Variants in ADAMTS10 observed in about 807,000 individuals in gnomAD.
ADAMTS10 encodes the protein A disintegrin and metalloproteinase with thrombospondin motifs 10.
A neutral mutation model predicts 135.9 loss-of-function variants in ADAMTS10; 48 were observed. The ratio of observed to expected loss-of-function variants is 0.35; its 90% CI spans 0.28 to 0.45. The LOEUF (loss-of-function observed/expected upper bound fraction) is 0.45. Ranked by LOEUF, ADAMTS10 falls within the 20% of genes least tolerant of loss-of-function variation. The pLI, the probability that ADAMTS10 is intolerant of heterozygous loss-of-function variation, is 1.00. For synonymous variants in ADAMTS10, 621 were observed against 647.5 expected (o/e 0.96, Z 0.62); for missense variants, 1,131 against 1,565.2 (o/e 0.72, Z 4.68).
intron 5 of ADAMTS10, 77 bp downstream of exon 5, chr19:8,603,651 C>T (rs1216574263): frequency 1.3e-6 from 2 of 1,594,028 alleles, no homozygotes; most frequent in Non-Finnish European, 1.7e-6. Flanking sequence ...TGCTGACTTT[C>T]TGGATAAAAA....
chr19:8,605,482 T>A lies in ADAMTS10; in HGVS notation c.89-124A>T. 6.8e-7 allele frequency: 1 copy of A among 1,467,716 alleles called. No individual in the cohort carries two copies. Among genetic ancestry groups the A allele is most frequent in the Non-Finnish European group, 9.3e-7 (1 of 1,080,622 alleles). 90.9% of individuals were successfully genotyped at this position (1,467,716 alleles called of 1,614,324 possible). A position where few individuals can be genotyped will look rare whatever the true frequency, so the allele number is the denominator to read the frequency against. ...GACCCCCGAAATCCAGGGAGTTGGCTGCAAGGCTCCCGCCTATTGACCCCA... is the reference window on the plus strand; with the variant it reads ...GACCCCCGAAATCCAGGGAGTTGGCAGCAAGGCTCCCGCCTATTGACCCCA... On this transcript the variant is annotated intron_variant, in intron 3 of 25. Coordinates refer to ENST00000597188, the MANE Select transcript of ADAMTS10 (RefSeq NM_030957.4). The surrounding 1 kb of genome is among the most constrained non-coding windows in gnomAD (Gnocchi z 7.7).
In ADAMTS10 at chr19:8,586,485, C is replaced by G; in HGVS notation, c.2404-15G>C. 1 of 1,613,204 alleles carries G rather than the reference C, an allele frequency of 6.2e-7. No individual in the cohort carries two copies. The highest frequency in any genetic ancestry group is 8.5e-7 in the Non-Finnish European group (1 of 1,180,004). ...CGGGCCAGCACCTGGAGAAAGGGGG[C>G]GGCAGCCAGTGGAAGGATCGCATGG... On this transcript the variant is annotated splice_polypyrimidine_tract_variant and intron_variant, in intron 20 of 25. Transcript: ENST00000597188.
At chr19:8,600,456 T>C (rs1449132522) in intron 6 of ADAMTS10, among the ~76,000 whole-genome samples, 2 of 142,588 alleles carry the variant, frequency 1.4e-5, no homozygotes, top group Middle Eastern at 3.6e-3. Context: ...TCCTCTCTCT[T>C]TCTTTCTTTT....
intron 15 of ADAMTS10, among the ~76,000 whole-genome samples, chr19:8,591,193 T>G (rs114019496): frequency 6.6e-6 from 1 of 151,536 alleles, no homozygotes; most frequent in Non-Finnish European, 1.5e-5. Flanking sequence ...TCAGGGGAAG[T>G]TGGGCTGTAA....
At chr19:8,582,384 C>T (rs1386316729) in intron 25 of ADAMTS10, among the ~76,000 whole-genome samples, 1 of 152,096 alleles carries the variant, frequency 6.6e-6, no homozygotes, top group Admixed American at 6.6e-5. Flanking sequence ...AGGAGAATGG[C>T]GTGAACCTGG....
At position 8,605,845 on chromosome 19, in the gene ADAMTS10, C is replaced by A; in HGVS notation, c.-99-36G>T. ...GGAGCCAGGTAAGGGGGCGCCTGGTCCCGCTGTCCAGCACAACCAATGCCA... is the reference window on the plus strand; with the variant it reads ...GGAGCCAGGTAAGGGGGCGCCTGGTACCGCTGTCCAGCACAACCAATGCCA... On this transcript the variant is annotated intron_variant, in intron 2 of 25. Coordinates refer to ENST00000597188, the MANE Select transcript of ADAMTS10 (RefSeq NM_030957.4). The surrounding 1 kb of genome is among the most constrained non-coding windows in gnomAD (Gnocchi z 7.7). 2.0e-6 allele frequency: 3 copies of A among 1,476,826 alleles called. No individual in the cohort carries two copies. The highest frequency in any genetic ancestry group is 2.7e-6 in the Non-Finnish European group (3 of 1,116,930). 91.5% of individuals were successfully genotyped at this position (1,476,826 alleles called of 1,614,324 possible).
chr19:8,595,698 T>TGCCGGCCCCC, intron 12 of ADAMTS10, 64 bp downstream of exon 12: 3 of 1,291,948 alleles, frequency 2.3e-6, no homozygotes, highest in South Asian at 1.2e-5. Context: ...CTGGTGGAGT[T>TGCCGGCCCCC]CCCTCCCCCA....
At position 8,596,154 on chromosome 19, in the gene ADAMTS10, A is replaced by G; in HGVS notation, c.1256T>C (p.Leu419Pro). ...CTTCATGGTAATGTGGGCAGCCATG[A>G]GCTTGGCTGGGTCCTGACCACGGGC... The part of the protein sequence containing the change: ...CGARGQDPAK[L>P]MAAHITMKTN... Residue 419 changes from leucine (L) to proline (P), a missense_variant, in exon 11 of 26, where the codon CTC (leucine) becomes CCC (proline). By Grantham distance (98) the Leu-to-Pro change is moderately conservative. Transcript: ENST00000597188. This position sits in a 1 kb window ranked among gnomAD's most constrained non-coding sequence, Gnocchi z 7.2. The G allele has an allele frequency of 6.2e-7, 1 of 1,614,124 alleles. No homozygotes were observed. The highest frequency in any genetic ancestry group is 8.5e-7 in the Non-Finnish European group (1 of 1,180,020).
chr19:8,606,260 A>T (rs1027099286), intron 2 of ADAMTS10, among the ~76,000 whole-genome samples: 1 of 152,110 alleles, frequency 6.6e-6, no homozygotes, highest in Non-Finnish European at 1.5e-5. Flanking sequence ...CGGGGGTCTC[A>T]CTTTGTTGCC....
At chr19:8,602,573 G>T (rs1316477999) in intron 5 of ADAMTS10, among the ~76,000 whole-genome samples, 1 of 151,888 alleles carries the variant, frequency 6.6e-6, no homozygotes, top group Non-Finnish European at 1.5e-5. Flanking sequence ...TGCCCATCTC[G>T]GCCTCCCAAA....
At chr19:8,585,786 A>G in intron 22 of ADAMTS10, 126 bp from the exon 23 acceptor site, 1 of 1,012,120 alleles carries the variant, frequency 9.9e-7, no homozygotes, top group Non-Finnish European at 1.5e-6. Context: ...GGCACCAGGC[A>G]CCTCCACATT....
chr19:8,600,482 TTTTCTTTTC>T (rs1208131576), intron 6 of ADAMTS10, among the ~76,000 whole-genome samples: 2 of 141,360 alleles, frequency 1.4e-5, no homozygotes, highest in African/African-American at 2.6e-5. Flanking sequence ...TCTTTCTGTC[TTTTCTTTTC>T]TTTCTTTTCT....
At position 8,585,164 on chromosome 19, in the gene ADAMTS10, G is replaced by C. The variant is rs782471212; in HGVS notation, c.3010C>G (p.Pro1004Ala). 2.1e-6 allele frequency: 3 copies of C among 1,410,542 alleles called. No individual in the cohort carries two copies. Among genetic ancestry groups the C allele is most frequent in the South Asian group, 3.1e-5 (2 of 65,460 alleles). The allele number at this position is 1,410,542 out of a possible 1,614,324, so 87.4% of individuals were successfully genotyped here. ...CACTCGCCAGCCACCCAGCGGGCCG[G>C]GGGGCAGCGGCGCAAGTTGCAGCGC... ...TMRCNLRRCP[P>A]ARWVAGEWGE... is the part of the protein sequence containing the mutation. The change falls in exon 24 of 26, where the codon CCG becomes GCG. Residue 1004 changes from proline to alanine, a missense_variant. Pro to Ala is a conservative substitution (Grantham distance 27). Around this residue, in one of 3 missense-constraint regions of ADAMTS10, gnomAD observed 745 missense variants for 1,056.3 expected, o/e 0.71. Transcript: ENST00000597188.
In ADAMTS10 at chr19:8,592,831, G is replaced by A. The variant is rs1037546094; in HGVS notation, c.1519C>T (p.Arg507Trp). Reference protein sequence around the residue: ...SELWCLSKSNRCITNSIPAAE... With the variant: ...SELWCLSKSNWCITNSIPAAE... ...GCCGGGATGCTGTTGGTGATGCACC[G>A]GTTGCTCTTGCTCAGACACCACAGC... The change falls in exon 13 of 26, where the codon CGG becomes TGG. Residue 507 changes from arginine to tryptophan, a missense_variant. Transcript: ENST00000597188. The A allele has an allele frequency of 1.6e-5, 26 of 1,612,832 alleles. No individual in the cohort carries two copies. The highest frequency in any genetic ancestry group is 2.0e-5 in the Non-Finnish European group (24 of 1,179,890).
chr19:8,581,646 C>A (rs1366082877), intron 25 of ADAMTS10, among the ~76,000 whole-genome samples: 4 of 151,864 alleles, frequency 2.6e-5, no homozygotes, highest in Non-Finnish European at 5.9e-5. Flanking sequence ...ACCAGCCTGG[C>A]CAACGTGATC....
At chr19:8,597,443 C>T (rs1195243250) in intron 6 of ADAMTS10, 126 bp from the exon 7 acceptor site, 12 of 846,490 alleles carry the variant, frequency 1.4e-5, no homozygotes, top group Non-Finnish European at 1.9e-5. Context: ...TTAGGCTAAA[C>T]CTGCTATTAG....
chr19:8,592,381 C>G (rs2042546768), intron 13 of ADAMTS10, among the ~76,000 whole-genome samples: 1 of 151,800 alleles, frequency 6.6e-6, no homozygotes, highest in African/African-American at 2.4e-5. Context: ...GGCGTGGCTT[C>G]AGGCTGGGGA....
intron 6 of ADAMTS10, among the ~76,000 whole-genome samples, chr19:8,600,430 A>C (rs1180981340): frequency 6.9e-6 from 1 of 145,580 alleles, no homozygotes; most frequent in Admixed American, 6.8e-5. Flanking sequence ...CTACCTACCT[A>C]CCTTCCTTCC....
rs782161847 is a variant in ADAMTS10 at position 8,605,603 on chromosome 19, C to T, written c.88+20G>A. ...ACATTTTTCGCTCCCTCCCCACCGCCACCACCAGACTTCCCCTACCTTGAG... is the reference window on the plus strand; with the variant it reads ...ACATTTTTCGCTCCCTCCCCACCGCTACCACCAGACTTCCCCTACCTTGAG... On this transcript the variant is annotated intron_variant, in intron 3 of 25. Transcript: ENST00000597188. The surrounding 1 kb of genome is among the most constrained non-coding windows in gnomAD (Gnocchi z 7.7). 97 of 1,612,470 alleles carry T rather than the reference C, an allele frequency of 6.0e-5. 1 individual carries two copies. Among genetic ancestry groups the T allele is most frequent in the Admixed American group, 5.2e-4 (31 of 59,842 alleles).
Sources: allele counts gnomAD v4.1 joint callset (sites outside exome capture counted in the v4.1 genomes callset), GRCh38; gene constraint gnomAD v4.1.1; regional missense constraint gnomAD v4.1.1; non-coding constraint Gnocchi (gnomAD v3.1); transcripts MANE v1.5; gene names NCBI Gene and HGNC (gene_info 2026-07-23, HGNC 2026-07-21).